EDN1: variants seen among roughly 807,000 people sequenced by gnomAD.
EDN1 encodes the protein endothelin-1.
In EDN1, 11 loss-of-function variants were observed where a neutral mutation model predicts 21.7. The ratio of observed to expected loss-of-function variants is 0.51; its 90% CI spans 0.32 to 0.84. EDN1 has a LOEUF of 0.84. EDN1 is among the 40% of genes least tolerant of loss of function. The probability of loss-of-function intolerance (pLI) is 0.03; values close to 1 mark genes in which losing one functional copy is unlikely to be tolerated. For missense variants in EDN1, 244 were observed against 262.3 expected (o/e 0.93, Z 0.48); for synonymous variants, 85 against 90.6 (o/e 0.94, Z 0.35).
At chr6:12,259,312 A>G in the EDN1 span, among the ~76,000 whole-genome samples, 1 of 151,808 alleles carries the variant, frequency 6.6e-6, no homozygotes, top group Non-Finnish European at 1.5e-5. Context: ...TTTAGAATTA[A>G]TGAGCATTCA....
chr6:12,276,161 CAAAAAAAAAAAA>C, the EDN1 span, among the ~76,000 whole-genome samples: 2 of 68,622 alleles, frequency 2.9e-5, no homozygotes, highest in Admixed American at 2.0e-4. Context: ...GACTCCATCT[CAAAAAAAAAAAA>C]AAAAAAAAAA....
At position 12,296,643 on chromosome 6, in the gene EDN1, C is replaced by G. The variant is rs1762833407; in HGVS notation, c.*576C>G. The G allele has an allele frequency of 6.4e-6, 1 of 157,262 alleles. No individual in the cohort carries two copies. Among genetic ancestry groups the G allele is most frequent in the Admixed American group, 6.0e-5 (1 of 16,570 alleles). 9.7% of individuals were successfully genotyped at this position (157,262 alleles called of 1,614,324 possible). ...ATATGTTTCATGAATATGAGTCTAC[C>G]TCACCTATATTGCACTCTGGCAGAA... On this transcript the variant is annotated 3_prime_UTR_variant, in exon 5 of 5. Coordinates refer to ENST00000379375, the MANE Select transcript of EDN1 (RefSeq NM_001955.5).
At chr6:12,242,131 G>C in the EDN1 span, among the ~76,000 whole-genome samples, 8 of 152,228 alleles carry the variant, frequency 5.3e-5, no homozygotes, top group African/African-American at 1.9e-4. Flanking sequence ...GACCCAGGAA[G>C]CAGCCTGGGA....
chr6:12,280,899 C>A, the EDN1 span, among the ~76,000 whole-genome samples: 2 of 152,226 alleles, frequency 1.3e-5, no homozygotes, highest in African/African-American at 2.4e-5. Context: ...TCTCAAAAAA[C>A]AAACAAACAA....
At chr6:12,295,281 A>C (rs1762795394) in intron 4 of EDN1, among the ~76,000 whole-genome samples, 1 of 152,078 alleles carries the variant, frequency 6.6e-6, no homozygotes, top group Non-Finnish European at 1.5e-5. Context: ...TTTACTACTG[A>C]TTTGTGGGGC....
chr6:12,240,505 G>C, the EDN1 span, among the ~76,000 whole-genome samples: 1 of 152,156 alleles, frequency 6.6e-6, no homozygotes, highest in Non-Finnish European at 1.5e-5. Flanking sequence ...TGGACTTGTA[G>C]GTGTGTTGTA....
At chr6:12,235,712 C>T in the EDN1 span, among the ~76,000 whole-genome samples, 1 of 152,200 alleles carries the variant, frequency 6.6e-6, no homozygotes, top group Non-Finnish European at 1.5e-5. Flanking sequence ...GAACTTTCCG[C>T]AATGTAGAAA....
the EDN1 span, among the ~76,000 whole-genome samples, chr6:12,247,936 G>C: frequency 1.6e-4 from 25 of 152,092 alleles, no homozygotes; most frequent in Non-Finnish European, 2.8e-4. Flanking sequence ...TGGAGACAGA[G>C]TCTGTGAGGA....
Position 12,296,885 on chromosome 6 carries a change from G to A in EDN1, c.*818G>A, listed in dbSNP as rs954497077. 8 of 152,176 alleles carry A rather than the reference G, an allele frequency of 5.3e-5. No homozygotes were observed. The highest frequency in any genetic ancestry group is 1.2e-4 in the Non-Finnish European group (8 of 68,038). 9.4% of individuals were successfully genotyped at this position (152,176 alleles called of 1,614,324 possible). ...TGTCCTTGATTTTTGGAGACACAAT[G>A]GTATAGGGTTGTTTATGAAATATAT... On this transcript the variant is annotated 3_prime_UTR_variant, in exon 5 of 5. Transcript: ENST00000379375.
Position 12,290,612 on chromosome 6 carries a change from T to C in EDN1, c.-18T>C, listed in dbSNP as rs765025380. 10 of 1,613,588 alleles carry C rather than the reference T, an allele frequency of 6.2e-6. No homozygotes were observed. In the South Asian group the frequency reaches 1.1e-4, roughly 18 times the overall value. On this transcript the variant is annotated 5_prime_UTR_variant, in exon 1 of 5. Transcript: ENST00000379375. ...GGGTTCAGTTTGAACGGGAGGTTTT[T>C]GATCCCTTTTTTTCAGAATGGATTA...
upstream of EDN1, among the ~76,000 whole-genome samples, chr6:12,288,853 A>T (rs1374507949): frequency 3.3e-5 from 5 of 152,196 alleles, no homozygotes; most frequent in Non-Finnish European, 7.3e-5. Context: ...CCGTGCTTGA[A>T]TTCCACCCTC....
the EDN1 span, among the ~76,000 whole-genome samples, chr6:12,250,439 A>G: frequency 6.6e-6 from 1 of 152,134 alleles, no homozygotes; most frequent in Non-Finnish European, 1.5e-5. Flanking sequence ...ATTTATTTCA[A>G]TTATTTGCCA....
chr6:12,294,477 C>T (rs1357990850), intron 4 of EDN1, 73 bp downstream of exon 4: 2 of 1,569,036 alleles, frequency 1.3e-6, no homozygotes, highest in African/African-American at 2.7e-5. Flanking sequence ...ATGCCAGCAG[C>T]CTGTTCCTCC....
chr6:12,280,911 C>T, the EDN1 span, among the ~76,000 whole-genome samples: 4 of 152,094 alleles, frequency 2.6e-5, no homozygotes, highest in African/African-American at 9.7e-5. Flanking sequence ...AACAAACAAA[C>T]AAACAAAACC....
At chr6:12,287,710 T>TCACACA (rs1762579735), upstream of EDN1, among the ~76,000 whole-genome samples, 6 of 67,400 alleles carry the variant, frequency 8.9e-5, no homozygotes, top group Non-Finnish European at 1.0e-4. Flanking sequence ...TCTCTCTCTC[T>TCACACA]CTCACACACA....
chr6:12,249,723 G>A, the EDN1 span, among the ~76,000 whole-genome samples: 1 of 152,024 alleles, frequency 6.6e-6, no homozygotes, highest in African/African-American at 2.4e-5. Context: ...TAACGAGTTT[G>A]GTAAGAGCTG....
At chr6:12,238,893 G>A in the EDN1 span, among the ~76,000 whole-genome samples, 1 of 152,248 alleles carries the variant, frequency 6.6e-6, no homozygotes. Context: ...CTGGATTGGT[G>A]TATAAATATA....
At chr6:12,241,129 C>A in the EDN1 span, among the ~76,000 whole-genome samples, 1 of 151,482 alleles carries the variant, frequency 6.6e-6, no homozygotes, top group Non-Finnish European at 1.5e-5. Flanking sequence ...CTGTGGGAAC[C>A]TTAGGATGCA....
rs1762785462 is a variant in EDN1, at chr6:12,294,938, TTTA to T, written c.533+535_533+537del. 1.1e-4 allele frequency among the ~76,000 whole-genome samples: 16 copies of T among 144,488 alleles called. No homozygotes were observed. The South Asian group carries it at 3.5e-3, about 32-fold the overall frequency. 94.8% of individuals were successfully genotyped at this position (144,488 alleles called of 152,430 possible). The stretch of plus-strand genomic sequence containing the variant: ...TTATGGTCTTTTTTTTTTTTTTTTT[TTTA>T]AATAGGGAAATGTGTTTGGTGCAGA... On this transcript the variant is annotated intron_variant, in intron 4 of 4. Coordinates refer to ENST00000379375, the MANE Select transcript of EDN1 (RefSeq NM_001955.5).
Sources: gnomAD v4.1 joint callset for allele counts (sites outside exome capture counted in the v4.1 genomes callset) on GRCh38, gnomAD v4.1.1 for gene constraint, MANE v1.5 for transcripts, NCBI Gene and HGNC (gene_info 2026-07-23, HGNC 2026-07-21) for gene names.